NBAS: variants seen among roughly 807,000 people sequenced by gnomAD.
The protein encoded by NBAS is NAG/BC035112 fusion.
In NBAS, 219 loss-of-function variants were observed where a neutral mutation model predicts 302.5. The ratio of observed to expected loss-of-function variants is 0.72; its 90% CI spans 0.65 to 0.81. The LOEUF is 0.81. Ranked by LOEUF, NBAS falls within the 30% of genes least tolerant of loss-of-function variation. NBAS has a pLI of 0.00. For missense variants in NBAS, 2,932 were observed against 2,841.6 expected (o/e 1.03, Z -0.72); for synonymous variants, 1,118 against 1,021.6 (o/e 1.09, Z -1.80).
chr2:15,071,548 C>T, the NBAS span, among the ~76,000 whole-genome samples: 8 of 148,774 alleles, frequency 5.4e-5, no homozygotes, highest in African/African-American at 7.5e-5. Flanking sequence ...CGCTTGAACT[C>T]GGGAGGCGGA....
chr2:15,509,447 T>C (rs1415846122), intron 10 of NBAS, among the ~76,000 whole-genome samples: 1 of 152,200 alleles, frequency 6.6e-6, no homozygotes, highest in Non-Finnish European at 1.5e-5. Flanking sequence ...GTTCTACACA[T>C]ACAAACTGGT....
intron 21 of NBAS, among the ~76,000 whole-genome samples, chr2:15,459,497 T>C (rs1679404227): frequency 9.7e-6 from 1 of 103,590 alleles, no homozygotes; most frequent in Non-Finnish European, 2.2e-5. Context: ...ATCCTGAGCA[T>C]TTTTTCTTTT....
intron 35 of NBAS, among the ~76,000 whole-genome samples, chr2:15,338,285 G>A (rs985304168): frequency 3.3e-5 from 5 of 152,148 alleles, no homozygotes; most frequent in Non-Finnish European, 1.5e-5. Flanking sequence ...AACTAGGCAA[G>A]GATTACAAAT....
chr2:15,295,665 T>C (rs1216577637), intron 40 of NBAS, among the ~76,000 whole-genome samples: 3 of 152,206 alleles, frequency 2.0e-5, no homozygotes, highest in Admixed American at 6.5e-5. Context: ...TCATTTTGCA[T>C]TGCCTTCTCT....
At chr2:14,991,898 C>T in the NBAS span, among the ~76,000 whole-genome samples, 638 of 152,266 alleles carry the variant, frequency 4.2e-3, 7 homozygotes, top group African/African-American at 0.015. Context: ...AAATTAATCC[C>T]AGCCTCACCC....
chr2:15,473,273 C>T lies in NBAS; in HGVS notation c.1674G>A (p.Gln558=), dbSNP rs1223023450. The T allele has an allele frequency of 6.2e-7, 1 of 1,613,984 alleles. No individual in the cohort carries two copies. Among genetic ancestry groups the T allele is most frequent in the East Asian group, 2.2e-5 (1 of 44,894 alleles). The part of the protein sequence containing the change: ...TYGLDTDLVY[Q]RQWRKSAVNV... ...TGACCGCTGACTTCCTCCACTGCCT[C>T]TGATATACAAGGTCAGTATCCAGGC... Residue 558 remains glutamine (Q), a synonymous_variant, in exon 16 of 52, where the codon CAG becomes CAA. Transcript: ENST00000281513.
chr2:15,387,834 A>T (rs1237531456), intron 28 of NBAS, among the ~76,000 whole-genome samples: 1 of 152,094 alleles, frequency 6.6e-6, no homozygotes, highest in East Asian at 1.9e-4. Context: ...GGGTTTTGCC[A>T]TGTTGCCTGG....
chr2:15,488,660 T>C (rs1680733381), intron 12 of NBAS, among the ~76,000 whole-genome samples: 1 of 152,268 alleles, frequency 6.6e-6, no homozygotes, highest in South Asian at 2.1e-4. Context: ...CAAACTCTTT[T>C]ACAGATTACA....
At chr2:14,878,030 C>T in the NBAS span, among the ~76,000 whole-genome samples, 1 of 152,140 alleles carries the variant, frequency 6.6e-6, no homozygotes, top group Non-Finnish European at 1.5e-5. Context: ...TTCCCCAACC[C>T]ATTTCATCCC....
At chr2:15,271,738 ATTACT>A (rs1158044085) in intron 44 of NBAS, among the ~76,000 whole-genome samples, 3 of 152,212 alleles carry the variant, frequency 2.0e-5, no homozygotes, top group Non-Finnish European at 1.5e-5. Flanking sequence ...TATGCTCCCC[ATTACT>A]AACCACCTAA....
At chr2:15,452,163 T>C (rs1471650738) in intron 21 of NBAS, among the ~76,000 whole-genome samples, 2 of 152,222 alleles carry the variant, frequency 1.3e-5, no homozygotes, top group Admixed American at 6.5e-5. Context: ...TTTTACAAGA[T>C]AGAGTTCTAG....
intron 47 of NBAS, among the ~76,000 whole-genome samples, chr2:15,224,232 G>C (rs1667068456): frequency 6.6e-6 from 1 of 152,222 alleles, no homozygotes; most frequent in African/African-American, 2.4e-5. Context: ...GAATGGAAGG[G>C]AAATGTCAAG....
chr2:15,202,736 C>G, intron 48 of NBAS, among the ~76,000 whole-genome samples: 1 of 152,064 alleles, frequency 6.6e-6, no homozygotes, highest in East Asian at 1.9e-4. Flanking sequence ...ACGTGTTTCT[C>G]CATGTTAGTC....
chr2:15,047,543 C>T, the NBAS span, among the ~76,000 whole-genome samples: 15 of 151,868 alleles, frequency 9.9e-5, no homozygotes, highest in African/African-American at 3.6e-4. Context: ...GAAGGCTGGA[C>T]CCATGCAGGT....
intron 26 of NBAS, chr2:15,397,348 T>C (rs1170564465): frequency 4.2e-6 from 1 of 236,730 alleles, no homozygotes; most frequent in Non-Finnish European, 7.9e-6. Context: ...TATGGTTTTA[T>C]TTATTTTTTA....
intron 9 of NBAS, among the ~76,000 whole-genome samples, chr2:15,524,831 T>C (rs1662844549): frequency 6.6e-6 from 1 of 152,072 alleles, no homozygotes. Flanking sequence ...CAGGTAATTC[T>C]GATGTCCATA....
At chr2:15,050,148 A>G in the NBAS span, among the ~76,000 whole-genome samples, 1 of 152,036 alleles carries the variant, frequency 6.6e-6, no homozygotes, top group Non-Finnish European at 1.5e-5. Flanking sequence ...CTTCCCTCCC[A>G]TTTCAGCTCA....
At chr2:15,126,936 AC>A in the NBAS span, among the ~76,000 whole-genome samples, 3 of 152,154 alleles carry the variant, frequency 2.0e-5, no homozygotes, top group Non-Finnish European at 1.5e-5. Flanking sequence ...AGGTCAAACA[AC>A]CAGTAACACA....
the NBAS span, among the ~76,000 whole-genome samples, chr2:14,875,095 T>G: frequency 6.6e-6 from 1 of 152,224 alleles, no homozygotes; most frequent in South Asian, 2.1e-4. Flanking sequence ...AGCATGAATA[T>G]ACAATCTCGC....
Sources: gnomAD v4.1 joint callset for allele counts (sites outside exome capture counted in the v4.1 genomes callset) on GRCh38, gnomAD v4.1.1 for gene constraint, MANE v1.5 for transcripts, NCBI Gene and HGNC (gene_info 2026-07-23, HGNC 2026-07-21) for gene names.